The following ADGRV1 variants were observed in gnomAD, a reference collection of about 807,000 sequenced individuals.
ADGRV1 encodes the protein G-protein coupled receptor 98.
ADGRV1 carries 359 observed loss-of-function variants against 596.2 expected under a neutral mutation model. The ratio of observed to expected loss-of-function variants is 0.60; its 90% confidence interval spans 0.55 to 0.66. The LOEUF (loss-of-function observed/expected upper bound fraction) is 0.66, where lower values mean the gene tolerates loss of function less well. Ranked by LOEUF, ADGRV1 falls within the 30% of genes least tolerant of loss-of-function variation. ADGRV1 has a pLI of 0.00. For missense variants in ADGRV1, 7,274 were observed against 7,575.6 expected, an observed-to-expected ratio of 0.96 and a Z score of 1.48; for synonymous variants, 2,681 against 2,679.2, an observed-to-expected ratio of 1.00 and a Z score of -0.02.
chr5:90,716,586 T>C lies in ADGRV1; in HGVS notation c.9304T>C (p.Tyr3102His). Residue 3102 changes from tyrosine (Y) to histidine (H), a missense_variant, in exon 43 of 90, where the codon TAC (tyrosine) becomes CAC (histidine). This residue lies in a region of ADGRV1 where 3,643 missense variants were observed against 3,809.2 expected (regional missense o/e 0.96). Transcript: ENST00000405460. ...LYVQESVAVL[Y>H]IVREPAQGLF... Reference sequence around the variant, plus strand: ...CGTCCAGGAGAGTGTTGCAGTATTGTACATTGTTCGGGAACCTGCACAAGG... The same window carrying C: ...CGTCCAGGAGAGTGTTGCAGTATTGCACATTGTTCGGGAACCTGCACAAGG... 6.2e-7 allele frequency: 1 copy of C among 1,613,910 alleles called. No individual in the cohort carries two copies. The highest frequency in any genetic ancestry group is 1.1e-5 in the South Asian group (1 of 91,074).
chr5:90,886,636 C>A (rs181644966), intron 83 of ADGRV1, among the ~76,000 whole-genome samples: 4 of 152,264 alleles, frequency 2.6e-5, no homozygotes, highest in Non-Finnish European at 2.9e-5. Context: ...AAGCTCTGGT[C>A]TTATATACTC....
Position 90,617,894 on chromosome 5 carries a change from G to C in ADGRV1, c.298G>C (p.Val100Leu), listed in dbSNP as rs41308299. Residue 100 changes from valine to leucine, a missense_variant, in exon 3 of 90, where the codon GTA becomes CTA. Around this residue, in one of 5 missense-constraint regions of ADGRV1, gnomAD observed 1,715 missense variants for 1,708.8 expected, o/e 1.00. Coordinates refer to ENST00000405460, the MANE Select transcript of ADGRV1 (RefSeq NM_032119.4). Reference sequence around the variant, plus strand: ...AACAAACAGAACAGTGTACATAGCAGTATGTGATGATGACTTACCAGAGCC... The same window carrying C: ...AACAAACAGAACAGTGTACATAGCACTATGTGATGATGACTTACCAGAGCC... The part of the protein sequence containing the change: ...GETNRTVYIA[V>L]CDDDLPEPDE... 4.4e-6 allele frequency: 7 copies of C among 1,596,284 alleles called. No homozygotes were observed. Among genetic ancestry groups the C allele is most frequent in the Non-Finnish European group, 6.0e-6 (7 of 1,170,084 alleles).
rs2126879777 is a variant in ADGRV1, at chr5:91,147,584, A to T, written c.18433-2446A>T. ...GCATTCTCTCTCCTGCCTCCCTGTG[A>T]AGAGGTGCCTTCTGCCATAATTGTA... On this transcript the variant is annotated intron_variant, in intron 87 of 89. Transcript: ENST00000405460. 1.3e-5 allele frequency among the ~76,000 whole-genome samples: 2 copies of T among 152,254 alleles called. 1 individual carries two copies. The highest frequency in any genetic ancestry group is 4.1e-4 in the South Asian group (2 of 4,820).
intron 83 of ADGRV1, among the ~76,000 whole-genome samples, chr5:90,918,396 T>G (rs1016676453): frequency 6.6e-6 from 1 of 152,200 alleles, no homozygotes; most frequent in Non-Finnish European, 1.5e-5. Flanking sequence ...AGAATCACAT[T>G]ATTAGGTTTC....
chr5:90,926,446 G>A (rs1774463961), intron 83 of ADGRV1, among the ~76,000 whole-genome samples: 2 of 148,264 alleles, frequency 1.3e-5, no homozygotes, highest in Admixed American at 6.7e-5. Flanking sequence ...TTCTCTGATG[G>A]TAGTTTGTAT....
chr5:91,023,477 T>G (rs534419292), intron 85 of ADGRV1, among the ~76,000 whole-genome samples: 1 of 152,262 alleles, frequency 6.6e-6, no homozygotes, highest in East Asian at 1.9e-4. Context: ...TGAAAAGGTA[T>G]ATATGTGCTC....
At chr5:90,720,623 T>G in intron 44 of ADGRV1, among the ~76,000 whole-genome samples, 1 of 151,116 alleles carries the variant, frequency 6.6e-6, no homozygotes, top group Middle Eastern at 3.4e-3. Flanking sequence ...TGACAAATAT[T>G]TATTTTTTAT....
Position 90,872,340 on chromosome 5 carries a change from C to T in ADGRV1, c.17856+8483C>T, listed in dbSNP as rs544571152. Among the ~76,000 whole-genome samples, 20 of 150,792 alleles carry T rather than the reference C, an allele frequency of 1.3e-4. No individual in the cohort carries two copies. In the South Asian group the frequency reaches 4.0e-3, roughly 30 times the overall value. On this transcript the variant is annotated intron_variant, in intron 83 of 89. Transcript: ENST00000405460. ...TTTCTAAGTGTTTGTGTCCTCATTG[C>T]TTGTGTTGAATTGTTATAACCTTAA...
intron 83 of ADGRV1, among the ~76,000 whole-genome samples, chr5:90,897,771 G>C (rs1771473324): frequency 6.6e-6 from 1 of 152,196 alleles, no homozygotes; most frequent in Admixed American, 6.5e-5. Flanking sequence ...AAGAGGGCAA[G>C]AAAATGTTTC....
At chr5:90,680,863 T>C (rs1406304370) in intron 26 of ADGRV1, among the ~76,000 whole-genome samples, 1 of 152,170 alleles carries the variant, frequency 6.6e-6, no homozygotes, top group African/African-American at 2.4e-5. Flanking sequence ...TATCATCACA[T>C]GATGAAAAAA....
chr5:90,671,947 T>C (rs922605319), intron 21 of ADGRV1, among the ~76,000 whole-genome samples: 2 of 152,174 alleles, frequency 1.3e-5, no homozygotes, highest in Admixed American at 6.5e-5. Flanking sequence ...TTAAGCATGG[T>C]ATAAGATGCC....
intron 84 of ADGRV1, among the ~76,000 whole-genome samples, chr5:90,967,032 A>C (rs1259725417): frequency 1.3e-5 from 2 of 152,172 alleles, no homozygotes; most frequent in Non-Finnish European, 2.9e-5. Context: ...AAGGAGAAAG[A>C]AAGTGAGGTG....
At chr5:90,618,317 C>T (rs16868851) in intron 3 of ADGRV1, among the ~76,000 whole-genome samples, 3,238 of 152,146 alleles carry the variant, frequency 0.021, 102 homozygotes, top group African/African-American at 0.067. Context: ...ATACAAAAAG[C>T]GGGCATGGAA....
chr5:90,993,585 A>G (rs1781153845), intron 85 of ADGRV1, among the ~76,000 whole-genome samples: 1 of 152,192 alleles, frequency 6.6e-6, no homozygotes, highest in African/African-American at 2.4e-5. Context: ...TTAAAGTACA[A>G]GTTTTTTCAT....
rs1764959120 is a variant in ADGRV1 at position 90,627,737 on chromosome 5, T to C, written c.1199T>C (p.Phe400Ser). The change falls in exon 7 of 90, where the codon TTT (phenylalanine) becomes TCT (serine). Residue 400 changes from phenylalanine to serine, a missense_variant. Phe to Ser is a radical substitution (Grantham distance 155). Around this residue, in one of 5 missense-constraint regions of ADGRV1, gnomAD observed 1,715 missense variants for 1,708.8 expected, o/e 1.00. Coordinates refer to ENST00000405460, the MANE Select transcript of ADGRV1 (RefSeq NM_032119.4). ...GTCCTTTCATTCAACAGTGTTTTGT[T>C]TGAAAGGACAGTTATAATTGATGAA... ...YGVLSFNSVL[F>S]ERTVIIDEDR... 1.3e-6 allele frequency: 2 copies of C among 1,586,936 alleles called. No homozygotes were observed. The highest frequency in any genetic ancestry group is 2.7e-5 in the African/African-American group (2 of 73,910).
chr5:90,989,902 C>T (rs778581882), intron 85 of ADGRV1, among the ~76,000 whole-genome samples: 1 of 152,050 alleles, frequency 6.6e-6, no homozygotes, highest in Admixed American at 6.5e-5. Flanking sequence ...CTGCAACCTC[C>T]GCCTCCCAGG....
At chr5:90,888,912 T>G (rs1770544096) in intron 83 of ADGRV1, among the ~76,000 whole-genome samples, 1 of 152,166 alleles carries the variant, frequency 6.6e-6, no homozygotes. Context: ...CTCTGTCTAC[T>G]ATTTTTCTCA....
intron 29 of ADGRV1, among the ~76,000 whole-genome samples, chr5:90,686,761 C>T (rs1355679484): frequency 2.0e-5 from 3 of 152,152 alleles, no homozygotes; most frequent in Non-Finnish European, 4.4e-5. Flanking sequence ...GATGGTATTT[C>T]TAGTTCTAGA....
In ADGRV1 at chr5:90,711,987, T is replaced by A. The variant is rs1749420352; in HGVS notation, c.9043-300T>A. Among the ~76,000 whole-genome samples the A allele has an allele frequency of 1.3e-5, 2 of 152,170 alleles. 1 individual carries two copies. Among genetic ancestry groups the A allele is most frequent in the South Asian group, 4.1e-4 (2 of 4,832 alleles). On this transcript the variant is annotated intron_variant, in intron 41 of 89. Coordinates refer to ENST00000405460, the MANE Select transcript of ADGRV1 (RefSeq NM_032119.4). ...TTTATATTTTTAGTGTATTTTACCA[T>A]GTTGGCCAGGCTGGTCTCTCAATCT...
Sources: gnomAD v4.1 joint callset for allele counts (sites outside exome capture counted in the v4.1 genomes callset) on GRCh38, gnomAD v4.1.1 for gene constraint, gnomAD v4.1.1 regional missense constraint, MANE v1.5 for transcripts, NCBI Gene and HGNC (gene_info 2026-07-23, HGNC 2026-07-21) for gene names.